NUP98: variants seen among roughly 807,000 people sequenced by gnomAD.
The protein encoded by NUP98 is nucleoporin 98 and 96 precursor, also known as nuclear pore complex protein Nup98-Nup96.
NUP98 carries 26 observed loss-of-function variants against 191.9 expected under a neutral mutation model. The ratio of observed to expected loss-of-function variants is 0.14; its 90% CI spans 0.10 to 0.19. NUP98 has a LOEUF of 0.19. Ranked by LOEUF, NUP98 falls within the 10% of genes least tolerant of loss-of-function variation. The pLI, the probability that NUP98 is intolerant of heterozygous loss-of-function variation, is 1.00. For synonymous variants in NUP98, 808 were observed against 778.4 expected, an observed-to-expected ratio of 1.04 and a Z score of -0.63; for missense variants, 1,941 against 2,178.8, an observed-to-expected ratio of 0.89 and a Z score of 2.17.
chr11:3,695,071 G>T (rs1462197402), intron 26 of NUP98, among the ~76,000 whole-genome samples: 3 of 152,180 alleles, frequency 2.0e-5, no homozygotes, highest in Non-Finnish European at 4.4e-5. Context: ...GCTCAGGTGA[G>T]AGGATCACTT....
chr11:3,727,160 G>C (rs1334596905), intron 14 of NUP98, among the ~76,000 whole-genome samples: 1 of 152,142 alleles, frequency 6.6e-6, no homozygotes, highest in African/African-American at 2.4e-5. Context: ...ACCCAAACTG[G>C]GTAGGGACGC....
At chr11:3,721,395 T>C (rs1354207442) in intron 16 of NUP98, among the ~76,000 whole-genome samples, 1 of 152,072 alleles carries the variant, frequency 6.6e-6, no homozygotes, top group African/African-American at 2.4e-5. Context: ...AATAAAGAGC[T>C]AAAAGAAAGA....
intron 1 of NUP98, among the ~76,000 whole-genome samples, chr11:3,794,958 C>A (rs1829329510): frequency 6.6e-6 from 1 of 152,176 alleles, no homozygotes; most frequent in Admixed American, 6.6e-5. Flanking sequence ...CCTAACCTTT[C>A]AACAAATTAC....
chr11:3,721,912 T>C (rs1212669834), intron 16 of NUP98, among the ~76,000 whole-genome samples: 2 of 152,182 alleles, frequency 1.3e-5, no homozygotes, highest in African/African-American at 4.8e-5. Context: ...CAGGCCAACA[T>C]CAGACCAAAC....
At chr11:3,745,562 AATTCC>A (rs948136150) in intron 11 of NUP98, among the ~76,000 whole-genome samples, 1 of 152,200 alleles carries the variant, frequency 6.6e-6, no homozygotes, top group African/African-American at 2.4e-5. Context: ...TATTAAAAAA[AATTCC>A]ATTCAATTTC....
At chr11:3,691,536 T>C (rs764366988) in intron 27 of NUP98, 47 bp from the exon 28 acceptor site, 74 of 1,577,104 alleles carry the variant, frequency 4.7e-5, no homozygotes, top group Non-Finnish European at 6.2e-5. Context: ...CTAATCAGTT[T>C]TACTAGATGC....
intron 14 of NUP98, among the ~76,000 whole-genome samples, chr11:3,725,992 T>C (rs2079604176): frequency 6.6e-6 from 1 of 152,152 alleles, no homozygotes; most frequent in Non-Finnish European, 1.5e-5. Context: ...GGCCACTGTT[T>C]TGTTGAAACA....
At chr11:3,772,812 CAA>C (rs35653017) in intron 6 of NUP98, among the ~76,000 whole-genome samples, 1 of 133,918 alleles carries the variant, frequency 7.5e-6, no homozygotes, top group Non-Finnish European at 1.6e-5. Flanking sequence ...AGACTCGTCT[CAA>C]AAAAAAAAAA....
intron 10 of NUP98, among the ~76,000 whole-genome samples, chr11:3,755,821 G>A (rs1251550292): frequency 6.6e-6 from 1 of 152,068 alleles, no homozygotes; most frequent in Non-Finnish European, 1.5e-5. Context: ...AAAATTAGCC[G>A]GGTGTGGTGG....
intron 30 of NUP98, 41 bp from the exon 31 acceptor site, chr11:3,679,749 C>T: frequency 6.3e-7 from 1 of 1,584,262 alleles, no homozygotes; most frequent in Non-Finnish European, 8.6e-7. Flanking sequence ...TGCACAAGTG[C>T]ATAGTTTCCA....
At chr11:3,720,984 G>A in intron 16 of NUP98, 159 bp from the exon 17 acceptor site, 1 of 476,284 alleles carries the variant, frequency 2.1e-6, no homozygotes, top group Non-Finnish European at 3.7e-6. Flanking sequence ...GAGTGTGTGT[G>A]TGTGTGTGTG....
intron 29 of NUP98, among the ~76,000 whole-genome samples, 199 bp from the exon 30 acceptor site, chr11:3,683,640 G>A (rs1260034136): frequency 6.6e-5 from 10 of 151,906 alleles, no homozygotes; most frequent in Non-Finnish European, 2.9e-5. Context: ...CCAGGTTCAA[G>A]TGATTCTCCT....
intron 5 of NUP98, 69 bp downstream of exon 5, chr11:3,775,813 C>T (rs991051420): frequency 6.7e-7 from 1 of 1,487,504 alleles, no homozygotes; most frequent in South Asian, 1.2e-5. Context: ...AGCAATTTTA[C>T]AATTCATCCT....
chr11:3,738,963 G>A (rs1424764924), intron 12 of NUP98, among the ~76,000 whole-genome samples: 4 of 152,014 alleles, frequency 2.6e-5, no homozygotes, highest in African/African-American at 9.7e-5. Context: ...CCATACCTGA[G>A]GTTTTTTTAA....
chr11:3,720,602 G>T (rs1485813028), intron 17 of NUP98, 110 bp downstream of exon 17: 2 of 572,102 alleles, frequency 3.5e-6, no homozygotes, highest in Non-Finnish European at 3.1e-6. Context: ...TCAGGCCAAG[G>T]TGGGCCCAAA....
Position 3,686,155 on chromosome 11 carries a change from T to C in NUP98, c.4494A>G (p.Ile1498Met). Reference protein sequence around the residue: ...DLNQLLEPRSITADPLDYRLS... With the variant: ...DLNQLLEPRSMTADPLDYRLS... The stretch of plus-strand genomic sequence containing the variant: ...GGCGGTAGTCCAAAGGATCTGCTGT[T>C]ATGCTTCGAGGCTCCAGCAGCTGGT... The change falls in exon 29 of 33, where the codon ATA becomes ATG. Residue 1498 changes from isoleucine (I) to methionine (M), a missense_variant. By Grantham distance (10) the Ile-to-Met change is conservative (BLOSUM62 1). This residue lies in a region of NUP98 where 1,030 missense variants were observed against 1,115.8 expected (regional missense o/e 0.92). Coordinates refer to ENST00000324932, the MANE Select transcript of NUP98 (RefSeq NM_016320.5). 1 of 1,614,256 alleles carries C rather than the reference T, an allele frequency of 6.2e-7. No homozygotes were observed. The highest frequency in any genetic ancestry group is 8.5e-7 in the Non-Finnish European group (1 of 1,180,048).
rs373621841 is a variant in NUP98, at chr11:3,702,703, G to A, written c.3272C>T (p.Thr1091Ile). 1.3e-5 allele frequency: 21 copies of A among 1,614,068 alleles called. No homozygotes were observed. Among genetic ancestry groups the A allele is most frequent in the Non-Finnish European group, 1.7e-5 (20 of 1,180,046 alleles). Reference protein sequence around the residue: ...PSPAPEVPLKTVGTRRQLGLV... With the variant: ...PSPAPEVPLKIVGTRRQLGLV... ...GCCTAGTTGCCTACGTGTACCCACT[G>A]TTTTCAACGGAACCTCAGGGGCTGG... is the stretch of plus-strand genomic sequence containing the variant. The change falls in exon 23 of 33, where the codon ACA (threonine) becomes ATA (isoleucine). Residue 1091 changes from threonine (T) to isoleucine (I), a missense_variant. By Grantham distance (89) the Thr-to-Ile change is moderately conservative (BLOSUM62 -1). Transcript: ENST00000324932.
chr11:3,768,028 T>C (rs772617153), intron 8 of NUP98, among the ~76,000 whole-genome samples: 13 of 152,122 alleles, frequency 8.5e-5, no homozygotes, highest in Admixed American at 2.6e-4. Context: ...TACTTAGTAA[T>C]GAGAAAAATA....
chr11:3,676,503 G>C lies in NUP98; in HGVS notation c.5185+6C>G. The C allele has an allele frequency of 6.2e-7, 1 of 1,611,268 alleles. No individual in the cohort carries two copies. Among genetic ancestry groups the C allele is most frequent in the Non-Finnish European group, 8.5e-7 (1 of 1,177,396 alleles). ...GGCAGAAAGAGTGAGGAGGTTAGAG[G>C]CTTACCTGACTGAGCCAGGCGATCT... On this transcript the variant is annotated splice_donor_region_variant and intron_variant, in intron 32 of 32. Coordinates refer to ENST00000324932, the MANE Select transcript of NUP98 (RefSeq NM_016320.5).
Sources: gnomAD v4.1 joint callset for allele counts (sites outside exome capture counted in the v4.1 genomes callset) on GRCh38, gnomAD v4.1.1 for gene constraint, gnomAD v4.1.1 regional missense constraint, MANE v1.5 for transcripts, NCBI Gene and HGNC (gene_info 2026-07-23, HGNC 2026-07-21) for gene names.